Variants in ZNF232 observed in about 807,000 individuals in gnomAD.
ZNF232 encodes the protein zinc finger and SCAN domain-containing protein 11.
ZNF232 carries 25 observed loss-of-function variants against 25.2 expected under a neutral mutation model. The observed-to-expected ratio is 0.99, with a 90% CI of 0.72 to 1.39. The LOEUF (loss-of-function observed/expected upper bound fraction) is 1.39, where lower values mean the gene tolerates loss of function less well. Ranked by LOEUF, ZNF232 falls within the 40% of genes most tolerant of loss-of-function variation. The probability of loss-of-function intolerance (pLI) is 0.00; values close to 1 mark genes in which losing one functional copy is unlikely to be tolerated. For missense variants in ZNF232, 519 were observed against 520.9 expected (o/e 1.00, Z 0.04); for synonymous variants, 193 against 182.9 (o/e 1.06, Z -0.45).
chr17:5,116,979 G>A (rs532739845), intron 1 of ZNF232, among the ~76,000 whole-genome samples: 130 of 152,326 alleles, frequency 8.5e-4, no homozygotes, highest in Middle Eastern at 3.4e-3. Flanking sequence ...ACATTCTTGG[G>A]GAACTGCAGA....
At chr17:5,109,371 A>G in intron 2 of ZNF232, 23 bp downstream of exon 2, 1 of 1,613,806 alleles carries the variant, frequency 6.2e-7, no homozygotes, top group Non-Finnish European at 8.5e-7. Context: ...GGCTCCCATA[A>G]CAGACCAAAT....
rs866279862 is a variant in ZNF232 at position 5,107,421 on chromosome 17, A to T, written c.626-915T>A. On this transcript the variant is annotated intron_variant, in intron 3 of 3. Transcript: ENST00000575898. ...AAAAAAAAAAAAAAAAAAAAAAAAG[A>T]GTGTGTTGCCTTTTTGTTTTTAAAT... Among the ~76,000 whole-genome samples, 1,249 of 137,666 alleles carry T rather than the reference A, an allele frequency of 9.1e-3. 19 individuals carry two copies. Among genetic ancestry groups the T allele is most frequent in the African/African-American group, 0.033 (1,190 of 36,602 alleles). 90.3% of individuals were successfully genotyped at this position (137,666 alleles called of 152,430 possible). A position where few individuals can be genotyped will look rare whatever the true frequency, so the allele number is the denominator to read the frequency against.
chr17:5,111,855 C>T (rs963208128), upstream of ZNF232: 7 of 1,613,484 alleles, frequency 4.3e-6, no homozygotes, highest in Non-Finnish European at 5.1e-6. Context: ...CCACTTACAG[C>T]CCTCACCCCA....
intron 1 of ZNF232, among the ~76,000 whole-genome samples, chr17:5,121,965 G>T (rs560531944): frequency 6.6e-5 from 10 of 152,122 alleles, no homozygotes; most frequent in Non-Finnish European, 1.3e-4. Flanking sequence ...AGGCAATGGG[G>T]AGCCATGGAG....
chr17:5,106,772 G>GA (rs1357389220), intron 3 of ZNF232, among the ~76,000 whole-genome samples: 1 of 151,746 alleles, frequency 6.6e-6, no homozygotes, highest in Admixed American at 6.6e-5. Context: ...AAGTTTTATT[G>GA]AAAAAATGAA....
intron 1 of ZNF232, among the ~76,000 whole-genome samples, chr17:5,110,136 C>G (rs2072365873): frequency 6.6e-6 from 1 of 152,182 alleles, no homozygotes; most frequent in South Asian, 2.1e-4. Flanking sequence ...AGGTGACCCA[C>G]CCACCTCGGC....
chr17:5,105,919 G>A, exon 4 of ZNF232: 1 of 1,614,114 alleles, frequency 6.2e-7, no homozygotes, highest in South Asian at 1.1e-5. Context: ...CATATAAAAG[G>A]TTTCTCTCCA....
At chr17:5,106,911 A>G (rs1374602132) in intron 3 of ZNF232, among the ~76,000 whole-genome samples, 2 of 152,114 alleles carry the variant, frequency 1.3e-5, no homozygotes, top group African/African-American at 4.8e-5. Flanking sequence ...TCTAAAGGCA[A>G]AAAAAACTGT....
At chr17:5,119,429 T>C (rs2072602951) in intron 1 of ZNF232, among the ~76,000 whole-genome samples, 1 of 152,202 alleles carries the variant, frequency 6.6e-6, no homozygotes, top group South Asian at 2.1e-4. Context: ...AATTAACTCT[T>C]TTGTCCTTCT....
exon 4 of ZNF232, chr17:5,106,061 C>G: frequency 6.2e-7 from 1 of 1,614,168 alleles, no homozygotes; most frequent in South Asian, 1.1e-5. Flanking sequence ...ATCTGAAGGC[C>G]TTCCCACATT....
upstream of ZNF232, among the ~76,000 whole-genome samples, chr17:5,115,576 A>ACACACACACACACACAC (rs1555584331): frequency 2.0e-5 from 3 of 150,732 alleles, no homozygotes; most frequent in African/African-American, 7.4e-5. Context: ...ACACACACAC[A>ACACACACACACACACAC]AAACCCAAAA....
exon 4 of ZNF232, chr17:5,105,829 G>A: frequency 1.3e-6 from 2 of 1,579,426 alleles, no homozygotes; most frequent in Non-Finnish European, 1.7e-6. Context: ...TCAATTCAAT[G>A]GGAAGGCTCT....
At chr17:5,119,328 T>G (rs1232859058) in intron 1 of ZNF232, among the ~76,000 whole-genome samples, 1 of 152,232 alleles carries the variant, frequency 6.6e-6, no homozygotes, top group Non-Finnish European at 1.5e-5. Context: ...AATTCAGGTT[T>G]ACAAATTGGA....
intron 3 of ZNF232, among the ~76,000 whole-genome samples, chr17:5,107,886 T>TA (rs1373256652): frequency 1.3e-5 from 2 of 151,682 alleles, no homozygotes; most frequent in East Asian, 3.9e-4. Context: ...ATGCTGTGGT[T>TA]AAAAAAATCT....
At chr17:5,106,577 C>G (rs1187829174) in intron 3 of ZNF232, 44 bp from the exon 4 acceptor site, 2 of 1,493,792 alleles carry the variant, frequency 1.3e-6, no homozygotes, top group African/African-American at 2.8e-5. Flanking sequence ...ATGTATATTT[C>G]TGGAATGAAA....
intron 1 of ZNF232, among the ~76,000 whole-genome samples, chr17:5,119,058 C>T (rs529540342): frequency 1.3e-5 from 2 of 152,332 alleles, no homozygotes; most frequent in East Asian, 1.9e-4. Flanking sequence ...CCTGCCACAT[C>T]TGCTTAGAAT....
At chr17:5,116,738 G>GT (rs1194838211), upstream of ZNF232, 1 of 152,234 alleles carries the variant, frequency 6.6e-6, no homozygotes, top group Admixed American at 6.5e-5. Context: ...TCACTTACTA[G>GT]TTGTGAGTCT....
chr17:5,111,393 G>A (rs377135169), intron 1 of ZNF232: 18 of 276,738 alleles, frequency 6.5e-5, no homozygotes, highest in South Asian at 6.4e-4. Context: ...GGGGACCGCT[G>A]GCCTAAGACA....
At chr17:5,116,020 G>A (rs1174572106), upstream of ZNF232, among the ~76,000 whole-genome samples, 1 of 152,254 alleles carries the variant, frequency 6.6e-6, no homozygotes, top group Non-Finnish European at 1.5e-5. Context: ...AGGCACGGAG[G>A]CCAGGCAGAG....
Sources: gnomAD v4.1 joint callset for allele counts (sites outside exome capture counted in the v4.1 genomes callset) on GRCh38, gnomAD v4.1.1 for gene constraint, MANE v1.5 for transcripts, NCBI Gene and HGNC (gene_info 2026-07-23, HGNC 2026-07-21) for gene names.